The following TNRC6B variants were observed in gnomAD, a reference collection of about 807,000 sequenced individuals.
The protein encoded by TNRC6B is trinucleotide repeat-containing gene 6B protein.
A neutral mutation model predicts 203.6 loss-of-function variants in TNRC6B; 52 were observed. That is an observed-to-expected ratio of 0.26 (90% CI 0.20 to 0.32). TNRC6B has a LOEUF of 0.32. Among genes scored for constraint, TNRC6B ranks in the 10% least tolerant of loss-of-function variants. TNRC6B has a pLI of 1.00. For synonymous variants in TNRC6B, 838 were observed against 845.7 expected (o/e 0.99, Z 0.16); for missense variants, 1,923 against 2,286.2 (o/e 0.84, Z 3.24).
At chr22:40,250,990 A>C (rs970075745) in intron 2 of TNRC6B, among the ~76,000 whole-genome samples, 189 bp from the exon 3 acceptor site, 1 of 144,058 alleles carries the variant, frequency 6.9e-6, no homozygotes, top group Non-Finnish European at 1.5e-5. Context: ...CATGTAAATT[A>C]TAGCTGGACA....
At chr22:40,256,278 A>G (rs1019184170) in intron 3 of TNRC6B, among the ~76,000 whole-genome samples, 1 of 152,204 alleles carries the variant, frequency 6.6e-6, no homozygotes, top group African/African-American at 2.4e-5. Context: ...AAGCCAGAGC[A>G]TGGAAGAGTT....
rs140224454 is a variant in TNRC6B at position 40,050,539 on chromosome 22, G to A, written c.-121+5541G>A. The stretch of plus-strand genomic sequence containing the variant: ...CTAGCTTTTACCCAGCTAACTTCAG[G>A]TTCAGATTAAATTGTCACCTCAGAA... On this transcript the variant is annotated intron_variant, in intron 1 of 23. Transcript: ENST00000301923. Among the ~76,000 whole-genome samples the A allele has an allele frequency of 2.4e-4, 37 of 152,116 alleles. No individual in the cohort carries two copies. In the East Asian group the frequency reaches 5.8e-3, roughly 24 times the overall value.
At position 40,298,312 on chromosome 22, in the gene TNRC6B, A is replaced by G. The variant is rs528322602; in HGVS notation, c.3709-2143A>G. On this transcript the variant is annotated intron_variant, in intron 12 of 22. Coordinates refer to ENST00000454349, the MANE Select transcript of TNRC6B (RefSeq NM_001162501.2). ...GAAATTGACATCTTAGGCATTGTTC[A>G]TGAAAGCACAGCTTTTAACAGAATG... 3.3e-5 allele frequency among the ~76,000 whole-genome samples: 5 copies of G among 152,288 alleles called. No homozygotes were observed. In the East Asian group the frequency reaches 7.7e-4, roughly 24 times the overall value.
At position 40,323,501 on chromosome 22, in the gene TNRC6B, C is replaced by G. The variant is rs1028740548; in HGVS notation, c.*260C>G. On this transcript the variant is annotated 3_prime_UTR_variant, in exon 23 of 23. Transcript: ENST00000454349. ...AAATACTTGAATCATGAACGCCAAC[C>G]TAGAAAGACAATGTGAAGCAAGTAC... 2.8e-6 allele frequency: 1 copy of G among 354,862 alleles called. No individual in the cohort carries two copies. Among genetic ancestry groups the G allele is most frequent in the Non-Finnish European group, 5.1e-6 (1 of 196,406 alleles). 22.0% of individuals were successfully genotyped at this position (354,862 alleles called of 1,614,324 possible). A position where few individuals can be genotyped will look rare whatever the true frequency, so the allele number is the denominator to read the frequency against.
At chr22:40,234,442 G>A in intron 1 of TNRC6B, among the ~76,000 whole-genome samples, 1 of 152,202 alleles carries the variant, frequency 6.6e-6, no homozygotes, top group Non-Finnish European at 1.5e-5. Flanking sequence ...GCATACTCGT[G>A]TGCTGCTCAA....
chr22:40,317,086 G>A (rs925951946), intron 21 of TNRC6B, among the ~76,000 whole-genome samples: 3 of 152,188 alleles, frequency 2.0e-5, no homozygotes, highest in African/African-American at 7.2e-5. Context: ...AAGAAGACCT[G>A]AACCTATACT....
chr22:40,143,797 G>A (rs2068667472), intron 3 of TNRC6B, among the ~76,000 whole-genome samples: 2 of 151,960 alleles, frequency 1.3e-5, no homozygotes, highest in African/African-American at 4.8e-5. Context: ...TGCCCGGCCT[G>A]GAATACATCT....
intron 1 of TNRC6B, among the ~76,000 whole-genome samples, chr22:40,055,719 G>A (rs538159041): frequency 6.6e-6 from 1 of 152,286 alleles, no homozygotes; most frequent in African/African-American, 2.4e-5. Context: ...TTAGAAAGTG[G>A]TGACTCATTT....
intron 1 of TNRC6B, among the ~76,000 whole-genome samples, chr22:40,238,782 G>A (rs898025118): frequency 1.3e-5 from 2 of 152,214 alleles, no homozygotes; most frequent in Non-Finnish European, 2.9e-5. Flanking sequence ...TGCCTGAACT[G>A]TGTATTTTAT....
chr22:40,060,205 TTTTTTATTA>T (rs997756073), intron 1 of TNRC6B, among the ~76,000 whole-genome samples: 2 of 151,108 alleles, frequency 1.3e-5, no homozygotes, highest in Non-Finnish European at 3.0e-5. Context: ...CATGACTTTT[TTTTTTATTA>T]TTTTTATTAT....
At chr22:40,096,368 G>A (rs898339297) in intron 1 of TNRC6B, among the ~76,000 whole-genome samples, 6 of 152,216 alleles carry the variant, frequency 3.9e-5, no homozygotes, top group Non-Finnish European at 7.3e-5. Flanking sequence ...CCCACATAGC[G>A]TTACCTCTTT....
intron 1 of TNRC6B, among the ~76,000 whole-genome samples, chr22:40,230,886 G>T (rs2069860565): frequency 6.6e-6 from 1 of 152,078 alleles, no homozygotes; most frequent in Non-Finnish European, 1.5e-5. Flanking sequence ...TTTACATCTA[G>T]TTCTATGATT....
At chr22:40,247,197 T>C (rs1431620567) in intron 2 of TNRC6B, among the ~76,000 whole-genome samples, 1 of 152,164 alleles carries the variant, frequency 6.6e-6, no homozygotes, top group African/African-American at 2.4e-5. Context: ...TGATTTTCTG[T>C]CAGGTATTGT....
chr22:40,139,748 G>C (rs1045428734), intron 3 of TNRC6B, among the ~76,000 whole-genome samples: 11 of 152,150 alleles, frequency 7.2e-5, no homozygotes, highest in African/African-American at 2.7e-4. Flanking sequence ...TTGAACATTT[G>C]TGTACAAGTT....
chr22:40,241,697 C>G (rs1469262921), intron 1 of TNRC6B, among the ~76,000 whole-genome samples: 1 of 152,242 alleles, frequency 6.6e-6, no homozygotes, highest in Non-Finnish European at 1.5e-5. Flanking sequence ...GGTATCTTGA[C>G]AGGCTTCTCC....
At chr22:40,162,644 T>C (rs1346142085) in intron 4 of TNRC6B, among the ~76,000 whole-genome samples, 1 of 152,212 alleles carries the variant, frequency 6.6e-6, no homozygotes, top group Non-Finnish European at 1.5e-5. Flanking sequence ...ACCATAAGGT[T>C]TTCTCCAGTT....
At chr22:40,290,692 G>T (rs2035721827) in intron 12 of TNRC6B, among the ~76,000 whole-genome samples, 1 of 150,848 alleles carries the variant, frequency 6.6e-6, no homozygotes, top group African/African-American at 2.4e-5. Flanking sequence ...CTTGCTCCTT[G>T]TCTTTTCTCC....
rs2071244605 is a variant in TNRC6B, at chr22:40,315,445, G to A, written c.4841G>A (p.Trp1614Ter). 1 of 1,613,880 alleles carries A rather than the reference G, an allele frequency of 6.2e-7. No individual in the cohort carries two copies. Among genetic ancestry groups the A allele is most frequent in the Non-Finnish European group, 8.5e-7 (1 of 1,179,900 alleles). ...GLTNPKPSSP[W>*]SSTAPRSVRG... ...ACCAACCCCAAACCATCATCTCCCT[G>A]GAGCAGCACAGCACCCCGATCAGTC... The change falls in exon 20 of 23, where the codon TGG becomes TAG. Residue 1614 changes from tryptophan to a stop codon, truncating the protein, a stop_gained. Transcript: ENST00000454349. LOFTEE classifies it high-confidence loss of function.
intron 1 of TNRC6B, among the ~76,000 whole-genome samples, chr22:40,190,481 G>T (rs1235183430): frequency 6.6e-6 from 1 of 152,202 alleles, no homozygotes. Context: ...GGCCATGGCA[G>T]ATTTTCTGTC....
Sources: allele counts gnomAD v4.1 joint callset (sites outside exome capture counted in the v4.1 genomes callset), GRCh38; gene constraint gnomAD v4.1.1; transcripts MANE v1.5; gene names NCBI Gene and HGNC (gene_info 2026-07-23, HGNC 2026-07-21).